The following SAMD4A variants were observed in gnomAD, a reference collection of about 807,000 sequenced individuals.
SAMD4A encodes sterile alpha motif domain containing 4A, also known as protein Smaug homolog 1.
A neutral mutation model predicts 81.3 loss-of-function variants in SAMD4A; 33 were observed. The observed-to-expected ratio is 0.41, with a 90% CI of 0.31 to 0.54. The LOEUF is 0.54. Ranked by LOEUF, SAMD4A falls within the 20% of genes least tolerant of loss-of-function variation. SAMD4A has a pLI of 0.37. For missense variants in SAMD4A, 854 were observed against 951.1 expected (o/e 0.90, Z 1.34); for synonymous variants, 389 against 382.1 (o/e 1.02, Z -0.21).
At chr14:54,772,468 T>G (rs532601468) in intron 9 of SAMD4A, among the ~76,000 whole-genome samples, 72 of 152,254 alleles carry the variant, frequency 4.7e-4, no homozygotes, top group African/African-American at 1.6e-3. Flanking sequence ...CCTAGCCAAA[T>G]TCTCCCCTCA....
chr14:54,628,476 A>G (rs2034818260), intron 2 of SAMD4A, among the ~76,000 whole-genome samples: 1 of 152,166 alleles, frequency 6.6e-6, no homozygotes, highest in Non-Finnish European at 1.5e-5. Context: ...TCTGAAAGTC[A>G]AGCATGAGAC....
intron 2 of SAMD4A, among the ~76,000 whole-genome samples, chr14:54,610,108 C>T (rs770986738): frequency 3.9e-4 from 60 of 152,174 alleles, no homozygotes; most frequent in Middle Eastern, 6.8e-3. Flanking sequence ...TTAGATATGA[C>T]CCTGCTTTTC....
At chr14:54,664,810 AACACACACACACACACAC>A (rs140875623) in intron 2 of SAMD4A, among the ~76,000 whole-genome samples, 51 of 141,764 alleles carry the variant, frequency 3.6e-4, no homozygotes, top group Non-Finnish European at 5.6e-4. Context: ...ATGTGAATCC[AACACACACACACACACAC>A]ACACACACAC....
At chr14:54,568,253 A>T (rs1468457948) in intron 2 of SAMD4A, 141 bp downstream of exon 2, 2 of 725,206 alleles carry the variant, frequency 2.8e-6, no homozygotes, top group East Asian at 3.4e-5. Flanking sequence ...GGCCCTCGGA[A>T]TCCACCCCCT....
In SAMD4A at chr14:54,623,900, A is replaced by G. The variant is rs549313627; in HGVS notation, c.196+55788A>G. On this transcript the variant is annotated intron_variant, in intron 2 of 12. Coordinates refer to ENST00000554335, the MANE Select transcript of SAMD4A (RefSeq NM_015589.6). ...AAAAGAGAAGAATGGTTCTGTTTTC[A>G]TAAGTTAGTGTGAGGGGACAATCTA... Among the ~76,000 whole-genome samples the G allele has an allele frequency of 2.0e-4, 31 of 152,330 alleles. No individual in the cohort carries two copies. In the South Asian group the frequency reaches 6.4e-3, roughly 32 times the overall value.
intron 11 of SAMD4A, among the ~76,000 whole-genome samples, chr14:54,783,714 G>A (rs1390099091): frequency 2.0e-5 from 3 of 152,234 alleles, no homozygotes; most frequent in Non-Finnish European, 4.4e-5. Context: ...TAACTTTGAT[G>A]AGTGACTTCA....
At chr14:54,581,819 C>T (rs2033477571) in intron 2 of SAMD4A, among the ~76,000 whole-genome samples, 1 of 152,192 alleles carries the variant, frequency 6.6e-6, no homozygotes, top group South Asian at 2.1e-4. Context: ...TAAACCCATT[C>T]AGTGCAAAAC....
intron 8 of SAMD4A, among the ~76,000 whole-genome samples, chr14:54,767,711 C>G (rs2038589444): frequency 6.6e-6 from 1 of 152,224 alleles, no homozygotes; most frequent in South Asian, 2.1e-4. Flanking sequence ...GCTCCCCAGC[C>G]CAACCTGGGG....
chr14:54,626,059 T>TGTGTGTGTGC (rs368142521), intron 2 of SAMD4A, among the ~76,000 whole-genome samples: 2 of 102,096 alleles, frequency 2.0e-5, no homozygotes, highest in East Asian at 2.7e-4. Context: ...TGTGTGTGTG[T>TGTGTGTGTGC]GCGCGCGCGC....
chr14:54,763,218 A>T (rs1161531110), intron 7 of SAMD4A, among the ~76,000 whole-genome samples: 2 of 57,856 alleles, frequency 3.5e-5, no homozygotes, highest in South Asian at 7.6e-4. Context: ...TGGTGGGTTT[A>T]AAAAAAAATA....
chr14:54,785,212 C>G (rs1456127647), intron 12 of SAMD4A, among the ~76,000 whole-genome samples: 1 of 152,230 alleles, frequency 6.6e-6, no homozygotes, highest in Non-Finnish European at 1.5e-5. Context: ...GTTAGAGGCG[C>G]CTGCACGTCC....
chr14:54,702,795 G>A, intron 3 of SAMD4A: 1 of 578,818 alleles, frequency 1.7e-6, no homozygotes, highest in Non-Finnish European at 3.0e-6. Flanking sequence ...GTGACTGATG[G>A]TCCAAATTTG....
chr14:54,714,957 T>C (rs954579075), intron 3 of SAMD4A, among the ~76,000 whole-genome samples: 2 of 152,182 alleles, frequency 1.3e-5, no homozygotes, highest in Admixed American at 1.3e-4. Flanking sequence ...CTAAATACTT[T>C]AAAGTGGACC....
At chr14:54,664,986 T>C (rs1025379510) in intron 2 of SAMD4A, among the ~76,000 whole-genome samples, 1 of 152,204 alleles carries the variant, frequency 6.6e-6, no homozygotes, top group African/African-American at 2.4e-5. Context: ...AAATACAGTG[T>C]GTTTTAAGTT....
chr14:54,770,228 T>C lies in SAMD4A; in HGVS notation c.1715+6T>C. The C allele has an allele frequency of 6.3e-7, 1 of 1,585,776 alleles. No homozygotes were observed. The highest frequency in any genetic ancestry group is 8.7e-7 in the Non-Finnish European group (1 of 1,155,484). On this transcript the variant is annotated splice_donor_region_variant and intron_variant, in intron 9 of 12. Transcript: ENST00000554335. Reference sequence around the variant, plus strand: ...GGATATCGACAGCAAAGAAAGTATGTTGGGATTTCATTCTTTGTAATGCGT... The same window carrying C: ...GGATATCGACAGCAAAGAAAGTATGCTGGGATTTCATTCTTTGTAATGCGT...
chr14:54,738,488 C>T (rs2037755820), intron 4 of SAMD4A, among the ~76,000 whole-genome samples: 1 of 152,168 alleles, frequency 6.6e-6, no homozygotes, highest in Admixed American at 6.5e-5. Flanking sequence ...GGGCTGAGTG[C>T]CCAGAGTGAG....
intron 4 of SAMD4A, among the ~76,000 whole-genome samples, chr14:54,747,561 G>A (rs2037997873): frequency 6.6e-6 from 1 of 152,172 alleles, no homozygotes; most frequent in Non-Finnish European, 1.5e-5. Context: ...TTTAGCAATT[G>A]ATAGAATCCT....
intron 7 of SAMD4A, among the ~76,000 whole-genome samples, chr14:54,763,763 A>G (rs999935847): frequency 5.9e-5 from 9 of 152,134 alleles, no homozygotes; most frequent in African/African-American, 1.9e-4. Context: ...CACCTCTACA[A>G]TGAGACCAGA....
intron 2 of SAMD4A, among the ~76,000 whole-genome samples, chr14:54,574,146 G>A (rs1311974453): frequency 6.6e-6 from 1 of 152,220 alleles, no homozygotes; most frequent in East Asian, 1.9e-4. Context: ...CCAGGGCCCT[G>A]TCAAAAGCTG....
Sources: allele counts gnomAD v4.1 joint callset (sites outside exome capture counted in the v4.1 genomes callset), GRCh38; gene constraint gnomAD v4.1.1; transcripts MANE v1.5; gene names NCBI Gene and HGNC (gene_info 2026-07-23, HGNC 2026-07-21).